PLXNA2: variants seen among roughly 807,000 people sequenced by gnomAD.
PLXNA2 encodes the protein plexin A2, also known as plexin-A2.
In PLXNA2, 91 loss-of-function variants were observed where a neutral mutation model predicts 193.5. The observed-to-expected ratio is 0.47, with a 90% CI of 0.40 to 0.56. The LOEUF is 0.56. Among genes scored for constraint, PLXNA2 ranks in the 20% least tolerant of loss-of-function variants. PLXNA2 has a pLI of 0.00. For missense variants in PLXNA2, 1,995 were observed against 2,503.2 expected (o/e 0.80, Z 4.33); for synonymous variants, 997 against 1,027.3 (o/e 0.97, Z 0.56).
rs1374458653 is a variant in PLXNA2 at position 208,045,192 on chromosome 1, G to A, written c.3514C>T (p.Pro1172Ser). 3 of 1,614,176 alleles carry A rather than the reference G, an allele frequency of 1.9e-6. No homozygotes were observed. Among genetic ancestry groups the A allele is most frequent in the Non-Finnish European group, 2.5e-6 (3 of 1,180,010 alleles). Residue 1172 changes from proline (P) to serine (S), a missense_variant, in exon 19 of 32, where the codon CCT becomes TCT. This residue lies in a region of PLXNA2 where 1,291 missense variants were observed against 1,673.6 expected (regional missense o/e 0.77). Transcript: ENST00000367033. ...IILKGKNLCP[P>S]ASGGAKLNYT... ...TTGAGTTTGGCCCCTCCAGAGGCAG[G>A]AGGGCAGAGGTTTTTGCCCTGTAGA... is the stretch of plus-strand genomic sequence containing the variant.
At chr1:208,040,184 A>T in intron 22 of PLXNA2, 126 bp from the exon 23 acceptor site, 1 of 733,924 alleles carries the variant, frequency 1.4e-6, no homozygotes, top group Non-Finnish European at 2.4e-6. Flanking sequence ...GGGAGTCAGG[A>T]CACCTGGGTC....
At chr1:208,151,931 C>T (rs1668778653) in intron 3 of PLXNA2, among the ~76,000 whole-genome samples, 1 of 152,176 alleles carries the variant, frequency 6.6e-6, no homozygotes, top group African/African-American at 2.4e-5. Context: ...CACTGGGTGC[C>T]TCTGGAGATA....
At chr1:208,162,079 G>C (rs910251752) in intron 3 of PLXNA2, among the ~76,000 whole-genome samples, 3 of 152,164 alleles carry the variant, frequency 2.0e-5, no homozygotes, top group African/African-American at 7.2e-5. Context: ...CCTGCTTGTA[G>C]CTCCTTAGAG....
At chr1:208,037,701 C>T (rs1664715910) in intron 26 of PLXNA2, among the ~76,000 whole-genome samples, 1 of 151,490 alleles carries the variant, frequency 6.6e-6, no homozygotes, top group African/African-American at 2.4e-5. Flanking sequence ...GTAGATACCT[C>T]CTTGATCTTG....
rs1664333218 is a variant in PLXNA2 at position 208,026,007 on chromosome 1, A to G, written c.*1236T>C. ...CCCCTCTCCAGGCACGAGAGAATGA[A>G]AGAAAGAAAGCATAATAATAAATAC... On this transcript the variant is annotated 3_prime_UTR_variant, in exon 32 of 32. Transcript: ENST00000367033. 1 of 152,668 alleles carries G rather than the reference A, an allele frequency of 6.6e-6. No individual in the cohort carries two copies. The highest frequency in any genetic ancestry group is 1.5e-5 in the Non-Finnish European group (1 of 68,044). The allele number at this position is 152,668 out of a possible 1,614,324, so 9.5% of individuals were successfully genotyped here. A position where few individuals can be genotyped will look rare whatever the true frequency, so the allele number is the denominator to read the frequency against.
At chr1:208,134,943 C>T (rs1274932923) in intron 4 of PLXNA2, among the ~76,000 whole-genome samples, 2 of 152,122 alleles carry the variant, frequency 1.3e-5, no homozygotes, top group African/African-American at 4.8e-5. Context: ...ACTTACTGCC[C>T]CATGTATCAC....
rs778917565 is a variant in PLXNA2 at position 208,225,677 on chromosome 1, G to A, written c.-80-7675C>T. ...AGGTCACTAGGGTAGGCTCTAATGC[G>A]GTGTGATCTGGTGTCCTTATAAAAA... is the stretch of plus-strand genomic sequence containing the variant. On this transcript the variant is annotated intron_variant, in intron 1 of 31. Transcript: ENST00000367033. 7.9e-5 allele frequency among the ~76,000 whole-genome samples: 12 copies of A among 152,208 alleles called. No homozygotes were observed. The East Asian group carries it at 1.5e-3, about 20-fold the overall frequency.
intron 12 of PLXNA2, among the ~76,000 whole-genome samples, chr1:208,076,152 C>T (rs760500262): frequency 1.3e-5 from 2 of 151,844 alleles, no homozygotes; most frequent in African/African-American, 4.8e-5. Context: ...ACTGTAGCCT[C>T]GGACTTCTGG....
At chr1:208,123,627 C>T (rs1333443563) in intron 4 of PLXNA2, among the ~76,000 whole-genome samples, 2 of 152,184 alleles carry the variant, frequency 1.3e-5, no homozygotes, top group African/African-American at 4.8e-5. Flanking sequence ...CTCTCTCTTA[C>T]CTCTCCAAAG....
At chr1:208,043,302 T>C in intron 20 of PLXNA2, 99 bp from the exon 21 acceptor site, 1 of 1,151,264 alleles carries the variant, frequency 8.7e-7, no homozygotes, top group East Asian at 2.4e-5. Flanking sequence ...GAGGACCTTT[T>C]GTAGAGACTC....
intron 3 of PLXNA2, among the ~76,000 whole-genome samples, chr1:208,186,221 A>T (rs1280746948): frequency 6.6e-6 from 1 of 152,120 alleles, no homozygotes; most frequent in South Asian, 2.1e-4. Context: ...GTAGGTGGAG[A>T]CAACCCCTGT....
intron 14 of PLXNA2, among the ~76,000 whole-genome samples, chr1:208,052,885 T>TA (rs1334246505): frequency 2.6e-5 from 4 of 151,432 alleles, no homozygotes; most frequent in Admixed American, 1.3e-4. Flanking sequence ...ACCGAGAGGC[T>TA]AAAGTCCTCC....
At chr1:208,089,870 C>T (rs944147670) in intron 9 of PLXNA2, among the ~76,000 whole-genome samples, 2 of 152,120 alleles carry the variant, frequency 1.3e-5, no homozygotes, top group Non-Finnish European at 2.9e-5. Context: ...CCCCAAACTA[C>T]ATGAAACTAT....
intron 4 of PLXNA2, among the ~76,000 whole-genome samples, chr1:208,141,773 A>C (rs1668462485): frequency 6.6e-6 from 1 of 152,186 alleles, no homozygotes; most frequent in South Asian, 2.1e-4. Context: ...AGGGTGGAAG[A>C]CTTGCTCAGC....
intron 4 of PLXNA2, among the ~76,000 whole-genome samples, chr1:208,123,428 A>C (rs1259641626): frequency 6.6e-6 from 1 of 152,198 alleles, no homozygotes; most frequent in Admixed American, 6.5e-5. Flanking sequence ...CATTTTTACC[A>C]TCAGGGAAAC....
intron 3 of PLXNA2, among the ~76,000 whole-genome samples, chr1:208,180,900 C>G (rs1669821429): frequency 1.3e-5 from 2 of 152,192 alleles, no homozygotes; most frequent in Non-Finnish European, 1.5e-5. Context: ...GCTATTGGCC[C>G]TGGCCATGTC....
intron 28 of PLXNA2, among the ~76,000 whole-genome samples, chr1:208,032,637 T>C (rs1243964546): frequency 6.6e-6 from 1 of 151,724 alleles, no homozygotes; most frequent in African/African-American, 2.4e-5. Context: ...TTGTCATACT[T>C]ACAGGCTTAT....
intron 9 of PLXNA2, among the ~76,000 whole-genome samples, chr1:208,087,005 GAGAGAGAGAGAC>G (rs1206349017): frequency 2.1e-5 from 3 of 146,106 alleles, no homozygotes; most frequent in Admixed American, 6.8e-5. Context: ...GAGAGAGAGA[GAGAGAGAGAGAC>G]AGACAGACAG....
At chr1:208,116,639 C>T (rs1437795570) in intron 4 of PLXNA2, among the ~76,000 whole-genome samples, 1 of 152,136 alleles carries the variant, frequency 6.6e-6, no homozygotes, top group Non-Finnish European at 1.5e-5. Context: ...TCAGCCTCAC[C>T]ACATACTCAA....
Sources: allele counts gnomAD v4.1 joint callset (sites outside exome capture counted in the v4.1 genomes callset), GRCh38; gene constraint gnomAD v4.1.1; regional missense constraint gnomAD v4.1.1; transcripts MANE v1.5; gene names NCBI Gene and HGNC (gene_info 2026-07-23, HGNC 2026-07-21).